TRMT11: variants seen among roughly 807,000 people sequenced by gnomAD.
TRMT11 encodes the protein tRNA methyltransferase 11, also known as tRNA (guanine(10)-N(2))-methyltransferase TRMT11.
TRMT11 carries 53 observed loss-of-function variants against 62.8 expected under a neutral mutation model. The observed-to-expected ratio is 0.84, with a 90% CI of 0.68 to 1.06. The LOEUF is 1.06. TRMT11 is among the 50% of genes least tolerant of loss of function. The pLI, the probability that TRMT11 is intolerant of heterozygous loss-of-function variation, is 0.00. For missense variants in TRMT11, 556 were observed against 553.4 expected, an observed-to-expected ratio of 1.00 and a Z score of -0.05; for synonymous variants, 188 against 190.3, an observed-to-expected ratio of 0.99 and a Z score of 0.10.
At chr6:126,266,841 A>G in the TRMT11 span, among the ~76,000 whole-genome samples, 1 of 152,098 alleles carries the variant, frequency 6.6e-6, no homozygotes, top group Non-Finnish European at 1.5e-5. Flanking sequence ...GCTTAATCAC[A>G]GTTTTTTTAT....
intron 17 of TRMT11, among the ~76,000 whole-genome samples, chr6:126,100,107 C>G (rs908824451): frequency 6.6e-6 from 1 of 152,086 alleles, no homozygotes; most frequent in Non-Finnish European, 1.5e-5. Context: ...TTAGGTGACT[C>G]TTCTCTTTAA....
intron 7 of TRMT11, 55 bp downstream of exon 7, chr6:125,999,668 G>A (rs927618929): frequency 1.4e-6 from 2 of 1,463,770 alleles, no homozygotes; most frequent in Non-Finnish European, 1.9e-6. Flanking sequence ...TTATATTAAT[G>A]AAGGTCATGG....
the TRMT11 span, among the ~76,000 whole-genome samples, chr6:126,262,135 G>A: frequency 6.6e-6 from 1 of 152,168 alleles, no homozygotes; most frequent in East Asian, 1.9e-4. Flanking sequence ...TGCAAGGATG[G>A]CTCTTCCACC....
chr6:126,027,629 A>T (rs1773432245), intron 12 of TRMT11, among the ~76,000 whole-genome samples: 1 of 152,150 alleles, frequency 6.6e-6, no homozygotes, highest in Non-Finnish European at 1.5e-5. Flanking sequence ...TAATGTATAA[A>T]TCAGTTGTCT....
At chr6:126,227,704 GT>G in the TRMT11 span, among the ~76,000 whole-genome samples, 23 of 152,128 alleles carry the variant, frequency 1.5e-4, no homozygotes, top group African/African-American at 5.6e-4. Flanking sequence ...CTCGATTTTA[GT>G]TTCGCAGAGG....
At chr6:126,100,127 G>A (rs534115488) in intron 17 of TRMT11, among the ~76,000 whole-genome samples, 172 of 152,254 alleles carry the variant, frequency 1.1e-3, no homozygotes, top group Non-Finnish European at 2.2e-3. Context: ...ATTTATTTAA[G>A]TCTCCTAGGG....
At chr6:126,148,721 G>A (rs552215464) in intron 21 of TRMT11, among the ~76,000 whole-genome samples, 1 of 152,030 alleles carries the variant, frequency 6.6e-6, no homozygotes, top group South Asian at 2.1e-4. Context: ...TCATTTAGTC[G>A]AGTGATTAAT....
intron 17 of TRMT11, among the ~76,000 whole-genome samples, chr6:126,107,120 G>T (rs988716126): frequency 1.3e-5 from 2 of 152,088 alleles, no homozygotes; most frequent in Non-Finnish European, 2.9e-5. Flanking sequence ...AGAGAGCGTT[G>T]CTTGGATTTC....
At chr6:126,005,943 G>A (rs1793279382) in intron 7 of TRMT11, among the ~76,000 whole-genome samples, 1 of 151,864 alleles carries the variant, frequency 6.6e-6, no homozygotes, top group Admixed American at 6.6e-5. Context: ...ACCCATAGGT[G>A]GAAGGAAAGG....
At chr6:126,043,620 A>C (rs925988067), downstream of TRMT11, among the ~76,000 whole-genome samples, 2 of 152,090 alleles carry the variant, frequency 1.3e-5, no homozygotes, top group African/African-American at 4.8e-5. Flanking sequence ...ATCCCTGAGG[A>C]ATTGCCACAC....
At chr6:126,257,824 A>AC in the TRMT11 span, 1 of 890,102 alleles carries the variant, frequency 1.1e-6, no homozygotes, top group African/African-American at 1.6e-5. Context: ...TGCTCATGGC[A>AC]CTGAGCCTGG....
At chr6:126,233,690 C>A in the TRMT11 span, among the ~76,000 whole-genome samples, 1 of 151,992 alleles carries the variant, frequency 6.6e-6, no homozygotes, top group African/African-American at 2.4e-5. Context: ...TAGAGGTCTA[C>A]AAAAAGGCTT....
At chr6:125,995,445 T>C (rs1478656033) in intron 2 of TRMT11, among the ~76,000 whole-genome samples, 4 of 152,170 alleles carry the variant, frequency 2.6e-5, no homozygotes, top group Non-Finnish European at 2.9e-5. Flanking sequence ...TGGAGCTTTT[T>C]TCCCCTAGAT....
intron 1 of TRMT11, among the ~76,000 whole-genome samples, chr6:125,989,668 G>GT (rs1279719829): frequency 2.0e-5 from 3 of 152,254 alleles, no homozygotes; most frequent in South Asian, 4.2e-4. Flanking sequence ...ATTTTTACTT[G>GT]TTTTTTCCGT....
chr6:126,076,371 T>G (rs79896297), intron 17 of TRMT11, among the ~76,000 whole-genome samples: 1 of 152,148 alleles, frequency 6.6e-6, no homozygotes, highest in South Asian at 2.1e-4. Context: ...CATCAGTGAA[T>G]GTGTCCTTTG....
At chr6:126,167,922 T>C (rs1778287140) in intron 21 of TRMT11, among the ~76,000 whole-genome samples, 2 of 152,194 alleles carry the variant, frequency 1.3e-5, no homozygotes, top group South Asian at 4.1e-4. Context: ...TGGGAGAATG[T>C]AAACATTTTA....
intron 7 of TRMT11, among the ~76,000 whole-genome samples, chr6:126,000,113 G>C (rs561103684): frequency 6.6e-6 from 1 of 152,262 alleles, no homozygotes; most frequent in Admixed American, 6.5e-5. Flanking sequence ...AATAAGAAAA[G>C]TGTCAAAGTA....
chr6:126,093,625 A>ATTTTTTTTTTT (rs1483189635), intron 17 of TRMT11, among the ~76,000 whole-genome samples: 1 of 103,522 alleles, frequency 9.7e-6, no homozygotes, highest in African/African-American at 4.8e-5. Flanking sequence ...ATATATATAT[A>ATTTTTTTTTTT]TATATATTTT....
intron 17 of TRMT11, among the ~76,000 whole-genome samples, chr6:126,093,641 A>T (rs1777307976): frequency 2.0e-5 from 2 of 100,582 alleles, no homozygotes; most frequent in African/African-American, 1.1e-4. Flanking sequence ...ATTTTCCCCC[A>T]GTCCTGGAGG....
Sources: gnomAD v4.1 joint callset for allele counts (sites outside exome capture counted in the v4.1 genomes callset) on GRCh38, gnomAD v4.1.1 for gene constraint, MANE v1.5 for transcripts, NCBI Gene and HGNC (gene_info 2026-07-23, HGNC 2026-07-21) for gene names.